The following ARHGEF18 variants were observed in gnomAD, a reference collection of about 807,000 sequenced individuals.
ARHGEF18 encodes the protein rho guanine nucleotide exchange factor 18.
A neutral mutation model predicts 155.7 loss-of-function variants in ARHGEF18; 93 were observed. The ratio of observed to expected loss-of-function variants is 0.60; its 90% CI spans 0.50 to 0.71. ARHGEF18 has a LOEUF of 0.71. Ranked by LOEUF, ARHGEF18 falls within the 30% of genes least tolerant of loss-of-function variation. ARHGEF18 has a pLI of 0.00. For missense variants in ARHGEF18, 1,593 were observed against 1,816.1 expected (o/e 0.88, Z 2.23); for synonymous variants, 742 against 753.1 (o/e 0.99, Z 0.24).
rs587602037 is a variant in ARHGEF18, at chr19:7,352,832, C to CTTTTTTTTT, written c.-111+3605_-111+3613dup. On this transcript the variant is annotated intron_variant, in intron 1 of 28. Transcript: ENST00000668164. ...ACAGGTGTGAGTCGCCGTGCCTGGCCTTTTTTTTTTTTTTTTTTTTTTGAC... is the reference window on the plus strand; with the variant it reads ...ACAGGTGTGAGTCGCCGTGCCTGGCCTTTTTTTTTTTTTTTTTTTTTTTTTTTTTTTGAC... Among the ~76,000 whole-genome samples the CTTTTTTTTT allele has an allele frequency of 7.4e-4, 37 of 49,884 alleles. 9 individuals carry two copies. In the East Asian group the frequency reaches 0.016, roughly 21 times the overall value. The allele number at this position is 49,884 out of a possible 152,430, so 32.7% of individuals were successfully genotyped here.
intron 3 of ARHGEF18, among the ~76,000 whole-genome samples, chr19:7,374,459 C>T (rs563439374): frequency 1.4e-4 from 22 of 151,798 alleles, no homozygotes; most frequent in African/African-American, 5.3e-4. Flanking sequence ...GGTGGATCAC[C>T]TGAGGTCAGG....
intron 2 of ARHGEF18, among the ~76,000 whole-genome samples, chr19:7,367,757 A>AT (rs1161691929): frequency 0.025 from 785 of 31,936 alleles, 159 homozygotes; most frequent in African/African-American, 0.092. Flanking sequence ...AAAAAAAAAA[A>AT]AATATATATA....
At chr19:7,391,698 G>C (rs959313294) in intron 10 of ARHGEF18, among the ~76,000 whole-genome samples, 3 of 151,958 alleles carry the variant, frequency 2.0e-5, no homozygotes, top group Non-Finnish European at 4.4e-5. Context: ...ATGTCTCTTA[G>C]GCCAGTTGCT....
chr19:7,420,848 C>G (rs1029606820), intron 10 of ARHGEF18, among the ~76,000 whole-genome samples: 3 of 152,234 alleles, frequency 2.0e-5, no homozygotes, highest in African/African-American at 7.2e-5. Flanking sequence ...GTGAGCCTGT[C>G]AAACCTAAGA....
At chr19:7,430,765 A>C (rs951255183) in intron 10 of ARHGEF18, among the ~76,000 whole-genome samples, 3 of 152,184 alleles carry the variant, frequency 2.0e-5, no homozygotes, top group African/African-American at 7.2e-5. Flanking sequence ...AGTCTGTGCC[A>C]CTGTACTCCA....
At chr19:7,408,492 C>T (rs1972475155) in intron 10 of ARHGEF18, among the ~76,000 whole-genome samples, 1 of 152,216 alleles carries the variant, frequency 6.6e-6, no homozygotes, top group African/African-American at 2.4e-5. Context: ...TTTTACAGTT[C>T]TGTTTCTAGG....
intron 10 of ARHGEF18, among the ~76,000 whole-genome samples, chr19:7,405,436 C>T (rs1056471437): frequency 6.6e-6 from 1 of 152,156 alleles, no homozygotes; most frequent in Non-Finnish European, 1.5e-5. Flanking sequence ...CTAGGGCCCA[C>T]CCTAAATCGA....
intron 18 of ARHGEF18, among the ~76,000 whole-genome samples, chr19:7,456,884 G>A (rs1179512628): frequency 6.6e-6 from 1 of 152,094 alleles, no homozygotes; most frequent in Non-Finnish European, 1.5e-5. Context: ...ACAGGCGCCC[G>A]CCACCACGCC....
At chr19:7,427,173 A>G (rs937658922) in intron 10 of ARHGEF18, among the ~76,000 whole-genome samples, 17 of 152,180 alleles carry the variant, frequency 1.1e-4, no homozygotes, top group African/African-American at 3.9e-4. Context: ...TTTAGGGCCC[A>G]ATTCACCGCA....
At position 7,444,259 on chromosome 19, in the gene ARHGEF18, G is replaced by A. The variant is rs1466519699; in HGVS notation, c.1416G>A (p.Val472=). The A allele has an allele frequency of 6.2e-7, 1 of 1,613,572 alleles. No homozygotes were observed. Among genetic ancestry groups the A allele is most frequent in the Non-Finnish European group, 8.5e-7 (1 of 1,180,044 alleles). Residue 472 remains valine (V), a synonymous_variant, in exon 14 of 29, where the codon GTG becomes GTA. Coordinates refer to ENST00000668164, the MANE Select transcript of ARHGEF18 (RefSeq NM_001367823.1). This position sits in a 1 kb window ranked among gnomAD's most constrained non-coding sequence, Gnocchi z 4.7. ...HVRTLKIMLK[V]YSRALQEELQ... is the part of the protein sequence containing the mutation. ...GGACGCTCAAGATCATGCTGAAGGT[G>A]TACTCCAGGGCCCTGCAGGAGGAGC...
rs560453300 is a variant in ARHGEF18 at position 7,451,170 on chromosome 19, G to C, written c.1759G>C (p.Val587Leu). 2.5e-6 allele frequency: 4 copies of C among 1,568,804 alleles called. No homozygotes were observed. The highest frequency in any genetic ancestry group is 3.4e-6 in the Non-Finnish European group (4 of 1,161,306). Residue 587 changes from valine to leucine, a missense_variant, in exon 16 of 29, where the codon GTG becomes CTG. Transcript: ENST00000668164. Reference sequence around the variant, plus strand: ...CTAGAAAATTGGCAACTTCTCCATCGTGCGGCGGCTTGGCGTGCAGGAGTG... The same window carrying C: ...CTAGAAAATTGGCAACTTCTCCATCCTGCGGCGGCTTGGCGTGCAGGAGTG... Reference protein sequence around the residue: ...LIKKIGNFSIVRRLGVQECIL... With the variant: ...LIKKIGNFSILRRLGVQECIL...
chr19:7,356,685 T>TCATG (rs1969320617), intron 1 of ARHGEF18, among the ~76,000 whole-genome samples: 4 of 152,144 alleles, frequency 2.6e-5, no homozygotes, highest in Non-Finnish European at 5.9e-5. Context: ...TAAAAGCTGG[T>TCATG]CATGCACTCA....
At chr19:7,391,812 A>G (rs1971415559) in intron 10 of ARHGEF18, among the ~76,000 whole-genome samples, 1 of 151,782 alleles carries the variant, frequency 6.6e-6, no homozygotes, top group South Asian at 2.1e-4. Context: ...TCCAGTGCAT[A>G]GGAGACCACC....
At chr19:7,363,855 G>A (rs1969748729) in intron 2 of ARHGEF18, among the ~76,000 whole-genome samples, 3 of 147,994 alleles carry the variant, frequency 2.0e-5, no homozygotes, top group African/African-American at 5.0e-5. Context: ...TGAGTGAAAA[G>A]GAAGGAAAAA....
intron 22 of ARHGEF18, 139 bp from the exon 23 acceptor site, chr19:7,464,421 G>A: frequency 9.7e-7 from 1 of 1,028,348 alleles, no homozygotes; most frequent in South Asian, 1.7e-5. Flanking sequence ...CCCCTCTCCA[G>A]CAGGCGTCTG....
rs1462680133 is a variant in ARHGEF18 at position 7,470,602 on chromosome 19, A to G, written c.*304A>G. 4 of 396,414 alleles carry G rather than the reference A, an allele frequency of 1.0e-5. No homozygotes were observed. Among genetic ancestry groups the G allele is most frequent in the Non-Finnish European group, 1.8e-5 (4 of 225,538 alleles). The allele number at this position is 396,414 out of a possible 1,614,324, so 24.6% of individuals were successfully genotyped here. On this transcript the variant is annotated 3_prime_UTR_variant, in exon 29 of 29. Coordinates refer to ENST00000668164, the MANE Select transcript of ARHGEF18 (RefSeq NM_001367823.1). This position sits in a 1 kb window ranked among gnomAD's most constrained non-coding sequence, Gnocchi z 5.9. Reference sequence around the variant, plus strand: ...GAGCTGTCTGAAATCATAGCACCCCATCCGGGTGGCGGGGAGATCAACTCC... The same window carrying G: ...GAGCTGTCTGAAATCATAGCACCCCGTCCGGGTGGCGGGGAGATCAACTCC...
intron 16 of ARHGEF18, among the ~76,000 whole-genome samples, chr19:7,453,139 G>T (rs1332344808): frequency 2.0e-5 from 3 of 152,070 alleles, no homozygotes; most frequent in Non-Finnish European, 4.4e-5. Context: ...ACAGGTTGCA[G>T]TGAGCTGAGA....
In ARHGEF18 at chr19:7,395,354, C is replaced by T. The variant is rs1465155442; in HGVS notation, c.967+12151C>T. ...GCGGGACCCCCGGGGCTGCCTCGGG[C>T]CTCCCGCCGGCTCCTGGGGGACTTC... On this transcript the variant is annotated intron_variant, in intron 10 of 28. Transcript: ENST00000668164. The surrounding 1 kb of genome is among the most constrained non-coding windows in gnomAD (Gnocchi z 5.0). 9 of 972,126 alleles carry T rather than the reference C, an allele frequency of 9.3e-6. No homozygotes were observed. The highest frequency in any genetic ancestry group is 1.1e-5 in the Non-Finnish European group (9 of 817,792). 60.2% of individuals were successfully genotyped at this position (972,126 alleles called of 1,614,324 possible).
chr19:7,443,946 G>T (rs1018337077), intron 13 of ARHGEF18, among the ~76,000 whole-genome samples: 9 of 152,042 alleles, frequency 5.9e-5, no homozygotes, highest in African/African-American at 2.2e-4. Context: ...TCGTCCGTTG[G>T]GTTGACACTG....
Sources: allele counts gnomAD v4.1 joint callset (sites outside exome capture counted in the v4.1 genomes callset), GRCh38; gene constraint gnomAD v4.1.1; non-coding constraint Gnocchi (gnomAD v3.1); transcripts MANE v1.5; gene names NCBI Gene and HGNC (gene_info 2026-07-23, HGNC 2026-07-21).